Variants in EYS observed in about 807,000 individuals in gnomAD.
The protein encoded by EYS is EGF-like photoreceptor maintenance factor, also known as protein eyes shut homolog.
Under a neutral mutation model 282.1 loss-of-function variants are expected in EYS, and 250 were observed. The observed-to-expected ratio is 0.89, with a 90% CI of 0.80 to 0.98. The LOEUF is 0.98. Ranked by LOEUF, EYS falls within the 50% of genes least tolerant of loss-of-function variation. The pLI is 0.00. For missense variants in EYS, 4,016 were observed against 3,709.0 expected, an observed-to-expected ratio of 1.08 and a Z score of -2.15; for synonymous variants, 1,355 against 1,282.9, an observed-to-expected ratio of 1.06 and a Z score of -1.20.
chr6:63,805,375 C>T (rs1378210010), intron 37 of EYS, among the ~76,000 whole-genome samples: 1 of 152,166 alleles, frequency 6.6e-6, no homozygotes, highest in Non-Finnish European at 1.5e-5. Flanking sequence ...TGAGTACTTT[C>T]TTAATTTCTT....
chr6:65,170,360 T>C (rs946019586), intron 12 of EYS, among the ~76,000 whole-genome samples: 5 of 151,546 alleles, frequency 3.3e-5, no homozygotes, highest in Admixed American at 2.6e-4. Flanking sequence ...TAAAATGAAC[T>C]GACATTTTTG....
intron 13 of EYS, among the ~76,000 whole-genome samples, chr6:65,037,015 T>A (rs1038956615): frequency 3.9e-5 from 6 of 151,994 alleles, no homozygotes; most frequent in African/African-American, 1.4e-4. Flanking sequence ...CACATGTATG[T>A]TCATTGCAGC....
chr6:64,045,410 T>G (rs1298850401), intron 33 of EYS, among the ~76,000 whole-genome samples: 2 of 147,712 alleles, frequency 1.4e-5, no homozygotes, highest in Non-Finnish European at 3.0e-5. Context: ...TTATTTTATT[T>G]TATTTTATTT....
chr6:65,256,064 C>T (rs1308837872), intron 12 of EYS, among the ~76,000 whole-genome samples: 1 of 151,992 alleles, frequency 6.6e-6, no homozygotes, highest in African/African-American at 2.4e-5. Flanking sequence ...GCTTGCAGCA[C>T]TAATGACAAT....
chr6:65,014,177 C>T (rs1771972282), intron 13 of EYS, among the ~76,000 whole-genome samples: 1 of 152,210 alleles, frequency 6.6e-6, no homozygotes, highest in South Asian at 2.1e-4. Flanking sequence ...AAAGAAAGAC[C>T]AGAGTTCTAA....
At chr6:65,357,037 G>A (rs10223812) in intron 8 of EYS, among the ~76,000 whole-genome samples, 6,071 of 151,990 alleles carry the variant, frequency 0.04, 380 homozygotes, top group African/African-American at 0.14. Context: ...TAACTTAATG[G>A]CCTTTGGGAG....
intron 30 of EYS, among the ~76,000 whole-genome samples, chr6:64,270,379 G>A (rs1404715722): frequency 6.6e-6 from 1 of 151,904 alleles, no homozygotes; most frequent in East Asian, 1.9e-4. Context: ...AGATTGCCGG[G>A]GGTGGGGGGA....
chr6:65,441,670 A>T (rs1282370879), intron 5 of EYS, among the ~76,000 whole-genome samples: 1 of 152,090 alleles, frequency 6.6e-6, no homozygotes, highest in African/African-American at 2.4e-5. Context: ...GGAAATAGGT[A>T]AAGTAAGCAA....
intron 31 of EYS, among the ~76,000 whole-genome samples, chr6:64,145,018 T>C (rs1774463799): frequency 6.6e-6 from 1 of 152,186 alleles, no homozygotes; most frequent in African/African-American, 2.4e-5. Flanking sequence ...ATCAGTTTTA[T>C]ATAATTTTAC....
intron 31 of EYS, among the ~76,000 whole-genome samples, chr6:64,190,757 G>A (rs1765078755): frequency 6.6e-6 from 1 of 152,024 alleles, no homozygotes; most frequent in Non-Finnish European, 1.5e-5. Flanking sequence ...AGGATCATAA[G>A]GTAAGAAAAT....
At chr6:65,457,028 G>A (rs1252959385) in intron 5 of EYS, among the ~76,000 whole-genome samples, 1 of 152,106 alleles carries the variant, frequency 6.6e-6, no homozygotes, top group Non-Finnish European at 1.5e-5. Flanking sequence ...ATAGCTTTGT[G>A]ATTGGTTTTA....
At chr6:65,379,821 T>G (rs1236303110) in intron 8 of EYS, among the ~76,000 whole-genome samples, 2 of 151,444 alleles carry the variant, frequency 1.3e-5, no homozygotes, top group Non-Finnish European at 2.9e-5. Flanking sequence ...TATACACCAT[T>G]AACAGACAAG....
chr6:63,976,068 C>T (rs1766822787), intron 35 of EYS, among the ~76,000 whole-genome samples: 1 of 151,804 alleles, frequency 6.6e-6, no homozygotes, highest in Admixed American at 6.6e-5. Context: ...TGTATCTAAA[C>T]ATATAAAAGA....
At chr6:65,580,412 C>T (rs1167247186) in intron 2 of EYS, among the ~76,000 whole-genome samples, 4 of 151,982 alleles carry the variant, frequency 2.6e-5, no homozygotes, top group Non-Finnish European at 5.9e-5. Flanking sequence ...TAACTACTAG[C>T]CTGAAATTAG....
At chr6:64,486,101 T>C (rs1033835495) in intron 26 of EYS, among the ~76,000 whole-genome samples, 1 of 151,392 alleles carries the variant, frequency 6.6e-6, no homozygotes, top group African/African-American at 2.4e-5. Flanking sequence ...ATCTCAAAAT[T>C]CTGTGAATAC....
intron 29 of EYS, among the ~76,000 whole-genome samples, chr6:64,337,548 A>G (rs2150394407): frequency 6.6e-6 from 1 of 152,090 alleles, no homozygotes; most frequent in African/African-American, 2.4e-5. Context: ...CCTACCAGAT[A>G]TTCAAAGAAG....
chr6:65,048,671 T>A (rs915782845), intron 13 of EYS, among the ~76,000 whole-genome samples: 14 of 151,922 alleles, frequency 9.2e-5, no homozygotes, highest in African/African-American at 3.4e-4. Flanking sequence ...TAATTTACAA[T>A]CTGACAGATT....
At chr6:64,661,551 A>G (rs1769021485) in intron 22 of EYS, among the ~76,000 whole-genome samples, 2 of 152,088 alleles carry the variant, frequency 1.3e-5, no homozygotes, top group South Asian at 4.1e-4. Flanking sequence ...GAAAAAAACA[A>G]CCCCATCAAA....
At chr6:63,772,444 ATATC>A (rs1426948412) in intron 40 of EYS, among the ~76,000 whole-genome samples, 1 of 152,116 alleles carries the variant, frequency 6.6e-6, no homozygotes, top group African/African-American at 2.4e-5. Context: ...TGGTTTATAT[ATATC>A]TATGTGTTAT....
Sources: allele counts gnomAD v4.1 joint callset (sites outside exome capture counted in the v4.1 genomes callset), GRCh38; gene constraint gnomAD v4.1.1; transcripts MANE v1.5; gene names NCBI Gene and HGNC (gene_info 2026-07-23, HGNC 2026-07-21).